The following ZXDC variants were observed in gnomAD, a reference collection of about 807,000 sequenced individuals.
ZXDC encodes the protein zinc finger protein ZXDC.
Under a neutral mutation model 63.6 loss-of-function variants are expected in ZXDC, and 58 were observed. That is an observed-to-expected ratio of 0.91 (90% CI 0.74 to 1.13). The LOEUF (loss-of-function observed/expected upper bound fraction) is 1.13, where lower values mean the gene tolerates loss of function less well. Among genes scored for constraint, ZXDC ranks in the 50% most tolerant of loss-of-function variants. The pLI is 0.00. For missense variants in ZXDC, 1,133 were observed against 1,148.9 expected (o/e 0.99, Z 0.20); for synonymous variants, 561 against 496.1 (o/e 1.13, Z -1.74).
chr3:126,442,245 TA>T (rs941630320), intron 7 of ZXDC: 3 of 200,382 alleles, frequency 1.5e-5, no homozygotes, highest in African/African-American at 7.0e-5. Flanking sequence ...CAGAATCCTC[TA>T]ACTCCAGCAG....
intron 7 of ZXDC, among the ~76,000 whole-genome samples, chr3:126,456,043 C>T (rs959296805): frequency 6.6e-6 from 1 of 151,986 alleles, no homozygotes. Flanking sequence ...TGAATCCATA[C>T]TGCGAATAAG....
chr3:126,471,118 G>T, intron 3 of ZXDC, 93 bp from the exon 4 acceptor site: 1 of 1,487,120 alleles, frequency 6.7e-7, no homozygotes, highest in Non-Finnish European at 9.1e-7. Flanking sequence ...CACAAACTTT[G>T]CATTTACAAA....
chr3:126,445,951 G>A (rs1274221328), intron 7 of ZXDC, among the ~76,000 whole-genome samples: 1 of 152,180 alleles, frequency 6.6e-6, no homozygotes, highest in Non-Finnish European at 1.5e-5. Context: ...ACATGCCAAA[G>A]CAAACAAATG....
Position 126,472,366 on chromosome 3 carries a change from T to C in ZXDC, c.908-61A>G. 3.2e-6 allele frequency: 5 copies of C among 1,577,446 alleles called. No homozygotes were observed. In the South Asian group the frequency reaches 4.5e-5, roughly 14 times the overall value. On this transcript the variant is annotated intron_variant, in intron 1 of 9. Coordinates refer to ENST00000389709, the MANE Select transcript of ZXDC (RefSeq NM_025112.5). ...GGCAAAAATTATACAACATAGCTAA[T>C]GCTAGTCACACCCACCAGACCCTGT...
chr3:126,468,856 C>T (rs1934871751), intron 4 of ZXDC, among the ~76,000 whole-genome samples: 1 of 152,168 alleles, frequency 6.6e-6, no homozygotes, highest in Admixed American at 6.5e-5. Context: ...CTCACCTCAG[C>T]ACCACCCCCA....
intron 5 of ZXDC, among the ~76,000 whole-genome samples, chr3:126,465,232 C>T (rs1934710330): frequency 1.3e-5 from 2 of 152,252 alleles, no homozygotes; most frequent in Non-Finnish European, 2.9e-5. Flanking sequence ...GACAACCGCA[C>T]CAGGGCCCAG....
intron 4 of ZXDC, among the ~76,000 whole-genome samples, chr3:126,468,236 CCGAGGCCGCAA>C (rs1934850432): frequency 6.6e-6 from 1 of 152,066 alleles, no homozygotes; most frequent in Admixed American, 6.5e-5. Context: ...ACACATAGCC[CCGAGGCCGCAA>C]CGAGGCCACC....
At chr3:126,448,651 G>A (rs2107634110) in intron 7 of ZXDC, among the ~76,000 whole-genome samples, 1 of 152,336 alleles carries the variant, frequency 6.6e-6, no homozygotes, top group African/African-American at 2.4e-5. Flanking sequence ...CCTAGGGCTG[G>A]AGGGACTAGG....
chr3:126,460,178 G>A lies in ZXDC; in HGVS notation c.2128-441C>T. ...GAGACCCACTGTACAGGCTGCTCTG[G>A]TGGCAGGGGCTATACTTTGTCAAAG... On this transcript the variant is annotated intron_variant, in intron 6 of 9. Coordinates refer to ENST00000389709, the MANE Select transcript of ZXDC (RefSeq NM_025112.5). 5 of 972,784 alleles carry A rather than the reference G, an allele frequency of 5.1e-6. No individual in the cohort carries two copies. The South Asian group carries it at 2.4e-4, about 46-fold the overall frequency. 60.3% of individuals were successfully genotyped at this position (972,784 alleles called of 1,614,324 possible).
rs1302279654 is a variant in ZXDC, at chr3:126,475,790, G to C, written c.76C>G (p.Arg26Gly). The change falls in exon 1 of 10, where the codon CGA becomes GGA. Residue 26 changes from arginine to glycine, a missense_variant. Physicochemically the swap from Arg to Gly is moderately radical, Grantham distance 125 (BLOSUM62 -2). Transcript: ENST00000389709. ...QHGGGPGPLR[R>G]APAPLGASPA... ...CTCGCGCCGAGCGGCGCTGGGGCTC[G>C]GCGGAGCGGGCCGGGGCCGCCGCCA... 1.6e-5 allele frequency: 18 copies of C among 1,107,222 alleles called. No individual in the cohort carries two copies. In the African/African-American group the frequency reaches 1.8e-4, roughly 11 times the overall value. The allele number at this position is 1,107,222 out of a possible 1,614,324, so 68.6% of individuals were successfully genotyped here. A position where few individuals can be genotyped will look rare whatever the true frequency, so the allele number is the denominator to read the frequency against.
chr3:126,456,814 T>A (rs1181534097), intron 7 of ZXDC, among the ~76,000 whole-genome samples: 1 of 152,070 alleles, frequency 6.6e-6, no homozygotes, highest in African/African-American at 2.4e-5. Context: ...TGCAAGATAG[T>A]TAATTACAAA....
rs1484080091 is a variant in ZXDC at position 126,475,347 on chromosome 3, G to C, written c.519C>G (p.Pro173=). 17 of 1,506,854 alleles carry C rather than the reference G, an allele frequency of 1.1e-5. 1 individual carries two copies. The highest frequency in any genetic ancestry group is 9.8e-5 in the African/African-American group (7 of 71,532). The allele number at this position is 1,506,854 out of a possible 1,614,324, so 93.3% of individuals were successfully genotyped here. ...ACTGCGGCTCGGGGCAGCGGTAGCC[G>C]GGCGTGCTGGGGCCGGAGGCCTGGG... is the stretch of plus-strand genomic sequence containing the variant. ...RAPQASGPST[P]GYRCPEPQCA... is the part of the protein sequence containing the mutation. Residue 173 remains proline, a synonymous_variant, in exon 1 of 10, where the codon CCC becomes CCG. Coordinates refer to ENST00000389709, the MANE Select transcript of ZXDC (RefSeq NM_025112.5).
chr3:126,450,655 G>A (rs768923967), intron 7 of ZXDC: 10 of 401,712 alleles, frequency 2.5e-5, no homozygotes, highest in South Asian at 1.8e-4. Context: ...TCTCCCTGGA[G>A]GGTGGTCCCT....
At chr3:126,448,198 C>T (rs1933955327) in intron 7 of ZXDC, among the ~76,000 whole-genome samples, 1 of 152,214 alleles carries the variant, frequency 6.6e-6, no homozygotes, top group East Asian at 1.9e-4. Context: ...GTTTTAGAAC[C>T]AGGGTATGTT....
chr3:126,465,414 A>T (rs1934716796), intron 5 of ZXDC, among the ~76,000 whole-genome samples: 1 of 152,250 alleles, frequency 6.6e-6, no homozygotes, highest in Non-Finnish European at 1.5e-5. Context: ...ACAGGTCACC[A>T]GGCCACCGTC....
At chr3:126,457,725 C>T (rs776566431) in intron 7 of ZXDC, 13 of 900,530 alleles carry the variant, frequency 1.4e-5, no homozygotes, top group Non-Finnish European at 1.7e-5. Flanking sequence ...AAAGGAATGA[C>T]AGATTTAGAG....
At position 126,466,081 on chromosome 3, in the gene ZXDC, A is replaced by T. The variant is rs576909185; in HGVS notation, c.1441+74T>A. ...GACGCCTTCCAAGAGGTGAAGAAGGAACAGACGGCACTGGCACTGTTCCCG... is the reference window on the plus strand; with the variant it reads ...GACGCCTTCCAAGAGGTGAAGAAGGTACAGACGGCACTGGCACTGTTCCCG... On this transcript the variant is annotated intron_variant, in intron 5 of 9. Transcript: ENST00000389709. 3.7e-5 allele frequency: 56 copies of T among 1,523,884 alleles called. No homozygotes were observed. The African/African-American group carries it at 6.5e-4, about 18-fold the overall frequency. 94.4% of individuals were successfully genotyped at this position (1,523,884 alleles called of 1,614,324 possible).
intron 7 of ZXDC, chr3:126,450,159 G>A (rs546029750): frequency 1.1e-5 from 4 of 363,656 alleles, no homozygotes; most frequent in African/African-American, 2.1e-5. Context: ...ACCCTCACAG[G>A]AAGTGTACAA....
intron 7 of ZXDC, chr3:126,450,396 C>T (rs1345856334): frequency 1.1e-5 from 5 of 456,586 alleles, no homozygotes; most frequent in Non-Finnish European, 2.2e-5. Context: ...ACGCACCCTC[C>T]CCTGTTAGAG....
Sources: gnomAD v4.1 joint callset for allele counts (sites outside exome capture counted in the v4.1 genomes callset) on GRCh38, gnomAD v4.1.1 for gene constraint, MANE v1.5 for transcripts, NCBI Gene and HGNC (gene_info 2026-07-23, HGNC 2026-07-21) for gene names.